Variants in KIAA0825 observed in about 807,000 individuals in gnomAD.
KIAA0825 encodes the protein uncharacterized protein KIAA0825.
In KIAA0825, 119 loss-of-function variants were observed where a neutral mutation model predicts 147.6. That is an observed-to-expected ratio of 0.81 (90% confidence interval 0.69 to 0.94). The LOEUF (loss-of-function observed/expected upper bound fraction) is 0.94. Among genes scored for constraint, KIAA0825 ranks in the 40% least tolerant of loss-of-function variants. The pLI is 0.00. For synonymous variants in KIAA0825, 470 were observed against 518.1 expected (o/e 0.91, Z 1.26); for missense variants, 1,381 against 1,472.7 (o/e 0.94, Z 1.02).
intron 3 of KIAA0825, among the ~76,000 whole-genome samples, chr5:94,526,182 T>G (rs1468649647): frequency 6.6e-6 from 1 of 152,048 alleles, no homozygotes; most frequent in African/African-American, 2.4e-5. Flanking sequence ...TTATCTTCTT[T>G]AATCAAAATA....
At chr5:94,210,699 C>A (rs1027640304) in intron 20 of KIAA0825, among the ~76,000 whole-genome samples, 10 of 152,048 alleles carry the variant, frequency 6.6e-5, no homozygotes, top group Admixed American at 4.6e-4. Flanking sequence ...TTTTTACAAA[C>A]TACAGAAAGA....
At chr5:94,174,173 G>C (rs1014636525) in intron 20 of KIAA0825, among the ~76,000 whole-genome samples, 2 of 152,064 alleles carry the variant, frequency 1.3e-5, no homozygotes, top group Non-Finnish European at 2.9e-5. Flanking sequence ...TTTGAGACTA[G>C]TACTCTGTAA....
rs180906704 is a variant in KIAA0825, at chr5:94,158,057, T to A, written c.3711-3933A>T. On this transcript the variant is annotated intron_variant, in intron 20 of 20. Coordinates refer to ENST00000682413, the MANE Select transcript of KIAA0825 (RefSeq NM_001145678.3). The stretch of plus-strand genomic sequence containing the variant: ...TATCTGAAATCAATAGTGTTCTGAA[T>A]AAGAGCACAGGCCCTAGAATCACTC... 2.0e-5 allele frequency among the ~76,000 whole-genome samples: 3 copies of A among 152,296 alleles called. No homozygotes were observed. In the East Asian group the frequency reaches 5.8e-4, roughly 29 times the overall value.
Position 94,375,283 on chromosome 5 carries a change from G to A in KIAA0825, c.3710+9085C>T, listed in dbSNP as rs190351359. On this transcript the variant is annotated intron_variant, in intron 20 of 20. Transcript: ENST00000682413. ...CCTGACCTCGTGATCTGCCCACCTCGGCCTCCCAAAGCTCTGGGATTACAA... is the reference window on the plus strand; with the variant it reads ...CCTGACCTCGTGATCTGCCCACCTCAGCCTCCCAAAGCTCTGGGATTACAA... Among the ~76,000 whole-genome samples, 78 of 151,908 alleles carry A rather than the reference G, an allele frequency of 5.1e-4. 1 individual carries two copies. In the South Asian group the frequency reaches 8.7e-3, roughly 17 times the overall value.
intron 20 of KIAA0825, among the ~76,000 whole-genome samples, chr5:94,337,097 C>T (rs1428211450): frequency 6.6e-6 from 1 of 152,076 alleles, no homozygotes; most frequent in Non-Finnish European, 1.5e-5. Flanking sequence ...ATGTCCAGAG[C>T]AGATCCGTGG....
At chr5:94,448,770 G>A (rs1022167452) in intron 13 of KIAA0825, among the ~76,000 whole-genome samples, 1 of 152,138 alleles carries the variant, frequency 6.6e-6, no homozygotes, top group Admixed American at 6.5e-5. Flanking sequence ...CACACAGACA[G>A]CTGTTACAGG....
chr5:94,336,512 T>G (rs1343279765), intron 20 of KIAA0825, among the ~76,000 whole-genome samples: 1 of 150,458 alleles, frequency 6.6e-6, no homozygotes, highest in African/African-American at 2.4e-5. Flanking sequence ...ACATGCAGTG[T>G]TTGGTTTTCC....
chr5:94,384,558 G>A, intron 19 of KIAA0825, 100 bp from the exon 20 acceptor site: 1 of 910,776 alleles, frequency 1.1e-6, no homozygotes, highest in Non-Finnish European at 1.7e-6. Context: ...AACTAAGAAG[G>A]AGGGGGGTCC....
chr5:94,505,036 G>A (rs927976532), intron 5 of KIAA0825, among the ~76,000 whole-genome samples: 4 of 150,590 alleles, frequency 2.7e-5, no homozygotes, highest in African/African-American at 9.8e-5. Flanking sequence ...ATGAGCCACC[G>A]TGCCCAGTTC....
chr5:94,453,453 C>T (rs1439924024), intron 12 of KIAA0825, among the ~76,000 whole-genome samples: 1 of 151,012 alleles, frequency 6.6e-6, no homozygotes, highest in Non-Finnish European at 1.5e-5. Flanking sequence ...TCTCAAAGTG[C>T]TGGGATTACA....
At chr5:94,446,655 A>C (rs910522642) in intron 13 of KIAA0825, among the ~76,000 whole-genome samples, 6 of 152,172 alleles carry the variant, frequency 3.9e-5, no homozygotes, top group African/African-American at 1.4e-4. Context: ...CGGGTTGAGA[A>C]GTGGGTAAGA....
Position 94,462,427 on chromosome 5 carries a change from T to C in KIAA0825, c.2206A>G (p.Thr736Ala). The C allele has an allele frequency of 6.7e-7, 1 of 1,482,102 alleles. No individual in the cohort carries two copies. The allele number at this position is 1,482,102 out of a possible 1,614,324, so 91.8% of individuals were successfully genotyped here. A position where few individuals can be genotyped will look rare whatever the true frequency, so the allele number is the denominator to read the frequency against. The change falls in exon 12 of 21, where the codon ACA (threonine) becomes GCA (alanine). Residue 736 changes from threonine to alanine, a missense_variant. Coordinates refer to ENST00000682413, the MANE Select transcript of KIAA0825 (RefSeq NM_001145678.3). ...IHTHCNNLFT[T>A]LVILTSPLTE... The stretch of plus-strand genomic sequence containing the variant: ...AATGGTGAAGTCAAAATGACTAATG[T>C]TGTAAACAGATTATTACAATGAGTG...
chr5:94,327,736 G>A (rs1780841270), intron 20 of KIAA0825, among the ~76,000 whole-genome samples: 2 of 151,984 alleles, frequency 1.3e-5, no homozygotes, highest in South Asian at 2.1e-4. Context: ...GGCTGGGTGC[G>A]GTGGCTCATG....
At chr5:94,224,257 C>A (rs955442613) in intron 20 of KIAA0825, among the ~76,000 whole-genome samples, 18 of 151,444 alleles carry the variant, frequency 1.2e-4, no homozygotes, top group Admixed American at 6.6e-4. Flanking sequence ...CCACCATGCC[C>A]AGCTAATTTT....
chr5:94,364,482 C>T (rs929192637), intron 20 of KIAA0825, among the ~76,000 whole-genome samples: 7 of 151,800 alleles, frequency 4.6e-5, no homozygotes, highest in South Asian at 2.1e-4. Flanking sequence ...CCCGGGTTCA[C>T]GCCATTCTCC....
chr5:94,336,522 C>T (rs777600475), intron 20 of KIAA0825, among the ~76,000 whole-genome samples: 5 of 151,394 alleles, frequency 3.3e-5, no homozygotes, highest in Non-Finnish European at 7.4e-5. Context: ...TTTGGTTTTC[C>T]GTTCCTGTGT....
intron 2 of KIAA0825, among the ~76,000 whole-genome samples, chr5:94,558,021 T>C (rs1263051037): frequency 2.6e-5 from 4 of 152,186 alleles, no homozygotes; most frequent in South Asian, 4.1e-4. Flanking sequence ...GGCTAAAAGT[T>C]TGCCGTTGTT....
chr5:94,362,070 G>C (rs1223165831), intron 20 of KIAA0825, among the ~76,000 whole-genome samples: 2 of 152,188 alleles, frequency 1.3e-5, no homozygotes, highest in Non-Finnish European at 2.9e-5. Context: ...CGCACCAAGA[G>C]TGCCCTCATG....
chr5:94,396,430 T>C lies in KIAA0825; in HGVS notation c.2967A>G (p.Pro989=), dbSNP rs780399953. 10 of 1,547,584 alleles carry C rather than the reference T, an allele frequency of 6.5e-6. No homozygotes were observed. In the East Asian group the frequency reaches 1.2e-4, roughly 19 times the overall value. ...CAGACAGAAAAAAGAAGTATTTAAC[T>C]GGGGGAGGCAAACATGCAATCACCG... ...LPTVIACLPP[P]VKYFFFLSER... Residue 989 remains proline, a synonymous_variant, in exon 17 of 21, where the codon CCA becomes CCG. Transcript: ENST00000682413.
Sources: allele counts gnomAD v4.1 joint callset (sites outside exome capture counted in the v4.1 genomes callset), GRCh38; gene constraint gnomAD v4.1.1; transcripts MANE v1.5; gene names NCBI Gene and HGNC (gene_info 2026-07-23, HGNC 2026-07-21).